GNG4: variants seen among roughly 807,000 people sequenced by gnomAD.
GNG4 encodes the protein G protein subunit gamma 4.
GNG4 carries 4 observed loss-of-function variants against 5.8 expected under a neutral mutation model. That is an observed-to-expected ratio of 0.69 (90% CI 0.34 to 1.57). The LOEUF is 1.57. GNG4 is among the 40% of genes most tolerant of loss of function. GNG4 has a pLI of 0.06. For synonymous variants in GNG4, 29 were observed against 32.9 expected (o/e 0.88, Z 0.41); for missense variants, 96 against 95.1 (o/e 1.01, Z -0.04).
intron 1 of GNG4, among the ~76,000 whole-genome samples, chr1:235,619,184 C>CATATAT (rs201225591): frequency 1.4e-5 from 1 of 69,638 alleles, no homozygotes; most frequent in African/African-American, 6.8e-5. Flanking sequence ...TATACACACA[C>CATATAT]ATATATATAC....
intron 1 of GNG4, among the ~76,000 whole-genome samples, chr1:235,596,206 A>AAC (rs1553368859): frequency 5.9e-5 from 7 of 118,708 alleles, no homozygotes; most frequent in Admixed American, 4.6e-4. Context: ...CAAACAAACA[A>AAC]AATACACACA....
rs998864144 is a variant in GNG4, at chr1:235,551,841, T to C, written c.*268A>G. On this transcript the variant is annotated 3_prime_UTR_variant, in exon 4 of 4. Transcript: ENST00000391854. Reference sequence around the variant, plus strand: ...TGTTTAAAAATTTTAAACTCTTAAGTCCAGACTTACTTTTACATGGCACAT... The same window carrying C: ...TGTTTAAAAATTTTAAACTCTTAAGCCCAGACTTACTTTTACATGGCACAT... 1.5e-5 allele frequency: 4 copies of C among 267,992 alleles called. No homozygotes were observed. The highest frequency in any genetic ancestry group is 2.9e-5 in the Non-Finnish European group (4 of 138,484). The allele number at this position is 267,992 out of a possible 1,614,324, so 16.6% of individuals were successfully genotyped here. A position where few individuals can be genotyped will look rare whatever the true frequency, so the allele number is the denominator to read the frequency against.
At position 235,550,535 on chromosome 1, in the gene GNG4, C is replaced by T. The variant is rs1055528127; in HGVS notation, c.*1574G>A. The T allele has an allele frequency of 2.0e-5, 3 of 152,290 alleles. No homozygotes were observed. The highest frequency in any genetic ancestry group is 4.4e-5 in the Non-Finnish European group (3 of 68,124). The allele number at this position is 152,290 out of a possible 1,614,324, so 9.4% of individuals were successfully genotyped here. On this transcript the variant is annotated 3_prime_UTR_variant, in exon 4 of 4. Coordinates refer to ENST00000391854, the MANE Select transcript of GNG4 (RefSeq NM_001098722.2). ...TAAGACATACGGCCGGGTGCACTGGCTCACACCTGCAATCCCAGCACTTTG... is the reference window on the plus strand; with the variant it reads ...TAAGACATACGGCCGGGTGCACTGGTTCACACCTGCAATCCCAGCACTTTG...
intron 1 of GNG4, among the ~76,000 whole-genome samples, chr1:235,619,038 G>A (rs1248860534): frequency 6.8e-6 from 1 of 147,324 alleles, no homozygotes; most frequent in South Asian, 2.2e-4. Context: ...GTGAGTTCAC[G>A]CCTGTAATCC....
intron 1 of GNG4, among the ~76,000 whole-genome samples, chr1:235,601,857 G>A (rs1343050383): frequency 6.6e-6 from 1 of 152,190 alleles, no homozygotes; most frequent in Non-Finnish European, 1.5e-5. Flanking sequence ...GTTCAACAAG[G>A]GCAGGCGAGG....
intron 1 of GNG4, among the ~76,000 whole-genome samples, chr1:235,647,775 C>T (rs1159873648): frequency 4.6e-5 from 7 of 152,220 alleles, no homozygotes; most frequent in Non-Finnish European, 7.3e-5. Flanking sequence ...GCTGGGATTA[C>T]AGGCGTGCAC....
At chr1:235,560,737 TTTCA>T (rs1558473942) in intron 3 of GNG4, among the ~76,000 whole-genome samples, 2 of 152,178 alleles carry the variant, frequency 1.3e-5, no homozygotes, top group Non-Finnish European at 2.9e-5. Context: ...TAAGTGCAAC[TTTCA>T]TTTTCTTCTT....
intron 3 of GNG4, among the ~76,000 whole-genome samples, chr1:235,577,443 T>TC (rs1467168619): frequency 1.3e-5 from 2 of 152,080 alleles, no homozygotes; most frequent in Non-Finnish European, 2.9e-5. Flanking sequence ...CTCAGTGTTT[T>TC]CTTTTTTTTT....
intron 3 of GNG4, among the ~76,000 whole-genome samples, chr1:235,580,914 C>A (rs911580221): frequency 6.6e-6 from 1 of 152,006 alleles, no homozygotes; most frequent in African/African-American, 2.4e-5. Context: ...CCAGACCCAG[C>A]TAATTTTTGT....
At chr1:235,650,206 G>T (rs1657641105), upstream of GNG4, among the ~76,000 whole-genome samples, 2 of 150,524 alleles carry the variant, frequency 1.3e-5, no homozygotes, top group Non-Finnish European at 3.0e-5. Flanking sequence ...CGGAGCCCGC[G>T]TGGCCGGGGG....
chr1:235,552,266 G>T, intron 3 of GNG4, 29 bp from the exon 4 acceptor site: 1 of 1,609,994 alleles, frequency 6.2e-7, no homozygotes, highest in Non-Finnish European at 8.5e-7. Context: ...CAGGTGCTCA[G>T]TTAAAGGCCC....
intron 1 of GNG4, among the ~76,000 whole-genome samples, chr1:235,613,478 C>T (rs1688525571): frequency 6.6e-6 from 1 of 152,090 alleles, no homozygotes; most frequent in South Asian, 2.1e-4. Context: ...CTAGTGGACC[C>T]TATGCAATCA....
At chr1:235,584,738 A>G (rs1235281328) in intron 2 of GNG4, among the ~76,000 whole-genome samples, 1 of 152,246 alleles carries the variant, frequency 6.6e-6, no homozygotes, top group Non-Finnish European at 1.5e-5. Flanking sequence ...AGGAAGCCTA[A>G]AACTAAAGCC....
chr1:235,577,848 T>C (rs773483097), intron 3 of GNG4, among the ~76,000 whole-genome samples: 8 of 152,060 alleles, frequency 5.3e-5, no homozygotes, highest in East Asian at 1.9e-4. Context: ...CTCTGTCATT[T>C]CCTATCCAGC....
chr1:235,588,818 T>G (rs1287865503), intron 2 of GNG4: 2 of 152,566 alleles, frequency 1.3e-5, no homozygotes, highest in African/African-American at 4.8e-5. Flanking sequence ...AGAACCCTCC[T>G]TAATGTTCCC....
intron 2 of GNG4, among the ~76,000 whole-genome samples, chr1:235,587,588 T>C (rs866660878): frequency 4.4e-3 from 6 of 1,362 alleles, no homozygotes; most frequent in Non-Finnish European, 5.7e-3. Flanking sequence ...TGGCGGTGAG[T>C]GTGAGTGTGG....
At chr1:235,635,221 A>G (rs1211709836) in intron 1 of GNG4, among the ~76,000 whole-genome samples, 1 of 152,090 alleles carries the variant, frequency 6.6e-6, no homozygotes. Context: ...GGATATTTGG[A>G]TATCCAAATC....
intron 3 of GNG4, among the ~76,000 whole-genome samples, chr1:235,567,684 A>G (rs1457167490): frequency 6.6e-6 from 1 of 152,186 alleles, no homozygotes; most frequent in East Asian, 1.9e-4. Context: ...TTAAGTATAC[A>G]CTACATTTTG....
chr1:235,610,880 T>G (rs1285778263), intron 1 of GNG4, among the ~76,000 whole-genome samples: 1 of 151,404 alleles, frequency 6.6e-6, no homozygotes, highest in Admixed American at 6.6e-5. Flanking sequence ...AGGTCAGGAG[T>G]TCAAGACCAG....
Sources: allele counts gnomAD v4.1 joint callset (sites outside exome capture counted in the v4.1 genomes callset), GRCh38; gene constraint gnomAD v4.1.1; transcripts MANE v1.5; gene names NCBI Gene and HGNC (gene_info 2026-07-23, HGNC 2026-07-21).